Variants in SGCD observed in about 807,000 individuals in gnomAD.
The protein encoded by SGCD is delta-sarcoglycan.
In SGCD, 18 loss-of-function variants were observed where a neutral mutation model predicts 36.6. That is an observed-to-expected ratio of 0.49 (90% CI 0.34 to 0.73). SGCD has a LOEUF of 0.73. SGCD is among the 30% of genes least tolerant of loss of function. The pLI is 0.01. For missense variants in SGCD, 387 were observed against 346.7 expected, an observed-to-expected ratio of 1.12 and a Z score of -0.92; for synonymous variants, 133 against 130.6, an observed-to-expected ratio of 1.02 and a Z score of -0.12.
At chr5:156,197,190 T>C (rs1014192732) in intron 3 of SGCD, among the ~76,000 whole-genome samples, 18 of 152,160 alleles carry the variant, frequency 1.2e-4, no homozygotes, top group Non-Finnish European at 2.6e-4. Flanking sequence ...AAAAGTGCCA[T>C]GGAGGGGTCA....
At chr5:156,419,360 T>C (rs1356401996) in intron 3 of SGCD, among the ~76,000 whole-genome samples, 1 of 152,174 alleles carries the variant, frequency 6.6e-6, no homozygotes, top group Non-Finnish European at 1.5e-5. Flanking sequence ...CAGCCTATGG[T>C]CATCTTCTGT....
the SGCD span, among the ~76,000 whole-genome samples, chr5:155,816,765 G>GT: frequency 2.8e-4 from 42 of 152,276 alleles, no homozygotes; most frequent in Non-Finnish European, 5.3e-4. Context: ...ATTGGAATGA[G>GT]TAAGTCCTAT....
chr5:156,678,164 G>A (rs1753587654), intron 7 of SGCD, among the ~76,000 whole-genome samples: 1 of 152,206 alleles, frequency 6.6e-6, no homozygotes, highest in Admixed American at 6.5e-5. Context: ...ATACCAGGCT[G>A]TGGCTGAGGT....
At chr5:155,797,042 C>G in the SGCD span, among the ~76,000 whole-genome samples, 2 of 151,884 alleles carry the variant, frequency 1.3e-5, no homozygotes, top group South Asian at 4.1e-4. Context: ...AACACCAATA[C>G]TACGAATAAA....
chr5:156,308,675 C>T (rs974054020), intron 3 of SGCD, among the ~76,000 whole-genome samples: 1 of 152,142 alleles, frequency 6.6e-6, no homozygotes, highest in Non-Finnish European at 1.5e-5. Flanking sequence ...GGAAAATCCA[C>T]ACCCATGATC....
chr5:156,356,487 C>G (rs1454910884), intron 3 of SGCD, among the ~76,000 whole-genome samples: 3 of 152,162 alleles, frequency 2.0e-5, no homozygotes, highest in Admixed American at 2.0e-4. Flanking sequence ...GATGGAAGTG[C>G]ATAGCATTGT....
At chr5:155,917,867 T>A (rs1486605910) in intron 1 of SGCD, among the ~76,000 whole-genome samples, 4 of 152,158 alleles carry the variant, frequency 2.6e-5, no homozygotes, top group African/African-American at 9.7e-5. Flanking sequence ...GATAAGAAAT[T>A]TTCAAAGAGC....
chr5:156,073,603 T>C (rs527636202), intron 1 of SGCD, among the ~76,000 whole-genome samples: 6 of 152,180 alleles, frequency 3.9e-5, no homozygotes, highest in Non-Finnish European at 8.8e-5. Context: ...TCATAAGATC[T>C]CTATTTTCTA....
At chr5:156,590,116 ATTTG>A (rs1176184709) in intron 5 of SGCD, among the ~76,000 whole-genome samples, 1 of 152,188 alleles carries the variant, frequency 6.6e-6, no homozygotes, top group Non-Finnish European at 1.5e-5. Flanking sequence ...AGAAAATGCC[ATTTG>A]TTTGGCTTCA....
At chr5:155,942,694 T>C (rs1332302310) in intron 1 of SGCD, among the ~76,000 whole-genome samples, 1 of 148,016 alleles carries the variant, frequency 6.8e-6, no homozygotes, top group Non-Finnish European at 1.5e-5. Context: ...AGAAACAGAT[T>C]TCAGAGGAAC....
At chr5:155,765,745 T>A in the SGCD span, among the ~76,000 whole-genome samples, 1 of 151,980 alleles carries the variant, frequency 6.6e-6, no homozygotes, top group Non-Finnish European at 1.5e-5. Flanking sequence ...AATAAAGAGA[T>A]AGTTTTTTAA....
chr5:156,724,332 T>C (rs1036721781), intron 7 of SGCD, among the ~76,000 whole-genome samples: 9 of 152,042 alleles, frequency 5.9e-5, no homozygotes, highest in Admixed American at 5.2e-4. Flanking sequence ...TACCCGGGCG[T>C]GGTGGCTCAC....
intron 3 of SGCD, among the ~76,000 whole-genome samples, chr5:156,493,237 C>T (rs256845): frequency 0.28 from 42,487 of 152,020 alleles, 6,123 homozygotes; most frequent in East Asian, 0.4. Context: ...TTACTTCAGA[C>T]ACTTAGTTTT....
Position 156,455,029 on chromosome 5 carries a change from G to T in SGCD, c.193-53572G>T, listed in dbSNP as rs115908025. ...ATCATCTTCCTTGTAAAGAAAGGAC[G>T]CTTAAAGAAACTGACCATTATTTAA... On this transcript the variant is annotated intron_variant, in intron 3 of 8. Coordinates refer to ENST00000337851, the MANE Select transcript of SGCD (RefSeq NM_000337.6). Among the ~76,000 whole-genome samples the T allele has an allele frequency of 5.2e-3, 792 of 152,252 alleles. 6 individuals carry two copies. Among genetic ancestry groups the T allele is most frequent in the African/African-American group, 0.018 (736 of 41,552 alleles).
the SGCD span, among the ~76,000 whole-genome samples, chr5:155,771,196 A>G: frequency 6.6e-6 from 1 of 152,026 alleles, no homozygotes; most frequent in East Asian, 1.9e-4. Flanking sequence ...CCTGGGTTCC[A>G]CCATGCCCTG....
chr5:155,986,518 T>C (rs1758333550), intron 1 of SGCD, among the ~76,000 whole-genome samples: 1 of 152,088 alleles, frequency 6.6e-6, no homozygotes. Context: ...TCCTCAGAGT[T>C]GATATGTGAG....
chr5:156,175,802 TAATC>T (rs1237950832), intron 3 of SGCD, among the ~76,000 whole-genome samples: 1 of 152,148 alleles, frequency 6.6e-6, no homozygotes, highest in East Asian at 1.9e-4. Flanking sequence ...GTGATGGTCC[TAATC>T]AATAATAACA....
chr5:156,580,538 A>G lies in SGCD; in HGVS notation c.295-8693A>G, dbSNP rs138078530. 2.1e-4 allele frequency among the ~76,000 whole-genome samples: 32 copies of G among 152,318 alleles called. No homozygotes were observed. The South Asian group carries it at 2.5e-3, about 12-fold the overall frequency. ...CTCCCAGTCACTTTCAGGTACACCAATGAAACGTAGATTTGGTCTTTTCAC... is the reference window on the plus strand; with the variant it reads ...CTCCCAGTCACTTTCAGGTACACCAGTGAAACGTAGATTTGGTCTTTTCAC... On this transcript the variant is annotated intron_variant, in intron 4 of 8. Coordinates refer to ENST00000337851, the MANE Select transcript of SGCD (RefSeq NM_000337.6).
upstream of SGCD, among the ~76,000 whole-genome samples, chr5:156,325,770 T>A (rs1767790510): frequency 6.6e-6 from 1 of 152,184 alleles, no homozygotes; most frequent in South Asian, 2.1e-4. Context: ...TTGGATGATC[T>A]CTGGGGTGTC....
Sources: gnomAD v4.1 joint callset for allele counts (sites outside exome capture counted in the v4.1 genomes callset) on GRCh38, gnomAD v4.1.1 for gene constraint, MANE v1.5 for transcripts, NCBI Gene and HGNC (gene_info 2026-07-23, HGNC 2026-07-21) for gene names.